Variants in ROPN1L observed in about 807,000 individuals in gnomAD.
ROPN1L encodes the protein ropporin-1-like protein.
Under a neutral mutation model 22.7 loss-of-function variants are expected in ROPN1L, and 23 were observed. The observed-to-expected ratio is 1.01, with a 90% CI of 0.73 to 1.43. ROPN1L has a LOEUF of 1.43. ROPN1L is among the 40% of genes most tolerant of loss of function. ROPN1L has a pLI of 0.00. For missense variants in ROPN1L, 271 were observed against 291.5 expected (o/e 0.93, Z 0.51); for synonymous variants, 116 against 117.8 (o/e 0.98, Z 0.10).
At chr5:10,464,122 G>A (rs937577300) in intron 4 of ROPN1L, among the ~76,000 whole-genome samples, 31 of 152,108 alleles carry the variant, frequency 2.0e-4, no homozygotes, top group Non-Finnish European at 3.8e-4. Flanking sequence ...CTTCCACATC[G>A]TTTCCTCTCC....
At chr5:10,467,807 C>T (rs964806592), downstream of ROPN1L, among the ~76,000 whole-genome samples, 5 of 152,138 alleles carry the variant, frequency 3.3e-5, no homozygotes, top group African/African-American at 7.2e-5. Context: ...TTCATGACAC[C>T]GTCTGAACAC....
At chr5:10,444,581 G>A (rs989910066) in intron 1 of ROPN1L, among the ~76,000 whole-genome samples, 9 of 151,400 alleles carry the variant, frequency 5.9e-5, no homozygotes, top group Non-Finnish European at 8.8e-5. Flanking sequence ...GTAAGCCACC[G>A]CACCTGGCCT....
downstream of ROPN1L, among the ~76,000 whole-genome samples, chr5:10,472,336 G>T (rs1246135338): frequency 6.6e-6 from 1 of 152,170 alleles, no homozygotes; most frequent in Non-Finnish European, 1.5e-5. Flanking sequence ...TTTGGGCTTG[G>T]AGTGTAGCCA....
At chr5:10,471,030 C>T (rs1255313537) in intron 4 of ROPN1L, among the ~76,000 whole-genome samples, 4 of 152,182 alleles carry the variant, frequency 2.6e-5, no homozygotes, top group African/African-American at 7.2e-5. Context: ...CCTGGCAGTC[C>T]GACTCCAGAG....
chr5:10,465,553 A>G (rs1735139825), downstream of ROPN1L, among the ~76,000 whole-genome samples: 1 of 151,578 alleles, frequency 6.6e-6, no homozygotes, highest in African/African-American at 2.4e-5. Context: ...GAACAAACAA[A>G]AAAAGGGGCT....
the ROPN1L span, among the ~76,000 whole-genome samples, chr5:10,482,583 G>A: frequency 1.3e-5 from 2 of 152,182 alleles, no homozygotes; most frequent in Non-Finnish European, 2.9e-5. Context: ...TGATGTAATG[G>A]TCTAATGGCC....
At chr5:10,468,860 A>G (rs147582483), downstream of ROPN1L, among the ~76,000 whole-genome samples, 1,549 of 152,370 alleles carry the variant, frequency 0.01, 32 homozygotes, top group Non-Finnish European at 0.011. Flanking sequence ...AAGTCACTTT[A>G]AAAATAAACT....
chr5:10,477,453 G>A, the ROPN1L span, among the ~76,000 whole-genome samples: 12 of 152,286 alleles, frequency 7.9e-5, no homozygotes, highest in Non-Finnish European at 1.3e-4. Context: ...ACAAGGACAC[G>A]CAGCCAGCCA....
chr5:10,448,663 C>G (rs1579644143), intron 2 of ROPN1L, among the ~76,000 whole-genome samples: 1 of 152,234 alleles, frequency 6.6e-6, no homozygotes, highest in East Asian at 1.9e-4. Context: ...ACAAAATTTA[C>G]ATGACACTAG....
intron 1 of ROPN1L, among the ~76,000 whole-genome samples, chr5:10,443,351 G>A (rs1740944565): frequency 8.1e-6 from 1 of 123,390 alleles, no homozygotes; most frequent in South Asian, 2.8e-4. Context: ...GGCCGGGCGC[G>A]GTGGCTCACG....
At chr5:10,442,417 G>A in intron 1 of ROPN1L, 119 bp downstream of exon 1, 3 of 1,298,004 alleles carry the variant, frequency 2.3e-6, no homozygotes. Flanking sequence ...AGAGTATCAG[G>A]CAAAACTTTC....
the ROPN1L span, among the ~76,000 whole-genome samples, chr5:10,479,911 A>G: frequency 1.3e-5 from 2 of 152,018 alleles, no homozygotes; most frequent in African/African-American, 4.8e-5. Context: ...CGCCTGGCTA[A>G]TTTTGTCTTT....
downstream of ROPN1L, among the ~76,000 whole-genome samples, chr5:10,476,284 G>A (rs146126253): frequency 3.5e-4 from 54 of 152,314 alleles, no homozygotes; most frequent in African/African-American, 1.0e-3. Flanking sequence ...GCATGATTGC[G>A]TGTAAACTCC....
In ROPN1L at chr5:10,442,144, G is replaced by A; in HGVS notation, c.-24G>A. On this transcript the variant is annotated 5_prime_UTR_variant, in exon 1 of 5. Coordinates refer to ENST00000274134, the MANE Select transcript of ROPN1L (RefSeq NM_031916.5). ...CCTCGCAGCGCGCCGCGATTCACCA[G>A]CCTGGTCCCTTCTGCGGAGAGCGAT... 6.2e-7 allele frequency: 1 copy of A among 1,609,132 alleles called. No homozygotes were observed. The highest frequency in any genetic ancestry group is 1.1e-5 in the South Asian group (1 of 90,916).
At chr5:10,448,758 G>A (rs778285506) in intron 2 of ROPN1L, among the ~76,000 whole-genome samples, 3 of 152,214 alleles carry the variant, frequency 2.0e-5, no homozygotes, top group East Asian at 3.8e-4. Flanking sequence ...AAAGCTGTGC[G>A]CAGGCCTGAG....
chr5:10,463,186 T>C (rs535981427), intron 4 of ROPN1L, among the ~76,000 whole-genome samples: 193 of 152,332 alleles, frequency 1.3e-3, no homozygotes, highest in Middle Eastern at 0.01. Context: ...GGAGCTAACG[T>C]TGGAATATAT....
chr5:10,461,173 G>C lies in ROPN1L; in HGVS notation c.418-11G>C, dbSNP rs373551496. ...ACTGTTTTTCTCCCCACCTGGCTGT[G>C]GTGCTCCCAGTCCTTGAACACTGCG... is the stretch of plus-strand genomic sequence containing the variant. On this transcript the variant is annotated splice_polypyrimidine_tract_variant and intron_variant, in intron 3 of 4. Transcript: ENST00000274134. The C allele has an allele frequency of 1.9e-6, 3 of 1,606,214 alleles. No homozygotes were observed. In the South Asian group the frequency reaches 3.3e-5, roughly 18 times the overall value.
At position 10,464,753 on chromosome 5, in the gene ROPN1L, A is replaced by T. The variant is rs567827405; in HGVS notation, c.594-95A>T. On this transcript the variant is annotated intron_variant, in intron 4 of 4. Transcript: ENST00000274134. ...TGAGCAACCATAAATAGTTTTTAAA[A>T]GTAGACCTTTTAAATTATATCGCAT... The T allele has an allele frequency of 4.5e-5, 32 of 705,306 alleles. 1 individual carries two copies. The South Asian group carries it at 7.2e-4, about 16-fold the overall frequency. The allele number at this position is 705,306 out of a possible 1,614,324, so 43.7% of individuals were successfully genotyped here.
downstream of ROPN1L, among the ~76,000 whole-genome samples, chr5:10,474,585 G>A (rs1156735710): frequency 1.3e-5 from 2 of 152,256 alleles, no homozygotes; most frequent in African/African-American, 4.8e-5. Flanking sequence ...AGTTGGAAGC[G>A]AACCTAGAGC....
Sources: gnomAD v4.1 joint callset for allele counts (sites outside exome capture counted in the v4.1 genomes callset) on GRCh38, gnomAD v4.1.1 for gene constraint, MANE v1.5 for transcripts, NCBI Gene and HGNC (gene_info 2026-07-23, HGNC 2026-07-21) for gene names.